The following MICAL2 variants were observed in gnomAD, a reference collection of about 807,000 sequenced individuals.
MICAL2 encodes the protein [F-actin]-monooxygenase MICAL2.
MICAL2 carries 77 observed loss-of-function variants against 127.3 expected under a neutral mutation model. That is an observed-to-expected ratio of 0.60 (90% CI 0.50 to 0.73). MICAL2 has a LOEUF of 0.73. Among genes scored for constraint, MICAL2 ranks in the 30% least tolerant of loss-of-function variants. MICAL2 has a pLI of 0.00. For missense variants in MICAL2, 1,351 were observed against 1,434.4 expected, an observed-to-expected ratio of 0.94 and a Z score of 0.94; for synonymous variants, 570 against 551.1, an observed-to-expected ratio of 1.03 and a Z score of -0.48.
intron 29 of MICAL2, among the ~76,000 whole-genome samples, chr11:12,318,965 C>T (rs531790788): frequency 6.6e-6 from 1 of 152,318 alleles, no homozygotes; most frequent in African/African-American, 2.4e-5. Flanking sequence ...TGAGCCATCC[C>T]TATCTTAAAC....
At chr11:12,167,710 C>T (rs188346867) in intron 3 of MICAL2, among the ~76,000 whole-genome samples, 214 of 152,264 alleles carry the variant, frequency 1.4e-3, no homozygotes, top group Non-Finnish European at 2.2e-3. Context: ...GATTTGTCTG[C>T]TTACCTGACA....
At chr11:12,177,677 G>A (rs1856984504) in intron 3 of MICAL2, among the ~76,000 whole-genome samples, 1 of 152,010 alleles carries the variant, frequency 6.6e-6, no homozygotes, top group Admixed American at 6.6e-5. Context: ...TTGTATATGG[G>A]GTGAGGTACA....
At chr11:12,155,539 CAT>C (rs1415201881) in intron 2 of MICAL2, among the ~76,000 whole-genome samples, 7 of 152,142 alleles carry the variant, frequency 4.6e-5, no homozygotes, top group Non-Finnish European at 8.8e-5. Flanking sequence ...CATATATACA[CAT>C]ATGCACACAC....
chr11:12,354,216 C>T (rs542920342), intron 33 of MICAL2, among the ~76,000 whole-genome samples: 7 of 152,340 alleles, frequency 4.6e-5, no homozygotes, highest in South Asian at 2.1e-4. Flanking sequence ...GTGGCTCATG[C>T]CTGTAATGCC....
intron 22 of MICAL2, among the ~76,000 whole-genome samples, chr11:12,251,635 G>A (rs985814470): frequency 6.6e-6 from 1 of 151,154 alleles, no homozygotes; most frequent in Admixed American, 6.6e-5. Context: ...TGGATGTGTG[G>A]GTGCCACGGG....
At chr11:12,276,878 G>T (rs150725250) in intron 1 of MICAL2, among the ~76,000 whole-genome samples, 1 of 152,162 alleles carries the variant, frequency 6.6e-6, no homozygotes, top group African/African-American at 2.4e-5. Context: ...TCACCTATGC[G>T]CCAGGTCGAT....
intron 4 of MICAL2, among the ~76,000 whole-genome samples, chr11:12,204,710 A>G (rs1854448749): frequency 2.0e-5 from 3 of 152,246 alleles, no homozygotes; most frequent in South Asian, 2.1e-4. Flanking sequence ...TCTCCAGGAC[A>G]TGAAAGAGTG....
downstream of MICAL2, chr11:12,293,549 C>T (rs778851470): frequency 2.6e-6 from 4 of 1,556,772 alleles, no homozygotes; most frequent in East Asian, 2.3e-5. Flanking sequence ...TATTTTTGCC[C>T]ATCCCATCTA....
At chr11:12,291,336 A>G (rs1181866803), downstream of MICAL2, among the ~76,000 whole-genome samples, 1 of 152,118 alleles carries the variant, frequency 6.6e-6, no homozygotes, top group Non-Finnish European at 1.5e-5. Context: ...GAGCGGGAGA[A>G]GGAGGGGAGA....
chr11:12,193,181 G>C (rs911078287), intron 3 of MICAL2, among the ~76,000 whole-genome samples: 1 of 152,116 alleles, frequency 6.6e-6, no homozygotes, highest in Non-Finnish European at 1.5e-5. Context: ...CTGTCTATAG[G>C]GCGAGAGACT....
chr11:12,354,510 C>T (rs1168007054), intron 33 of MICAL2, among the ~76,000 whole-genome samples: 8 of 150,664 alleles, frequency 5.3e-5, no homozygotes, highest in East Asian at 2.0e-4. Context: ...TGGTGGTGCA[C>T]GCCTGTAATC....
At chr11:12,315,976 G>T (rs573316546) in intron 29 of MICAL2, among the ~76,000 whole-genome samples, 3 of 151,876 alleles carry the variant, frequency 2.0e-5, no homozygotes, top group South Asian at 2.1e-4. Flanking sequence ...AATCAAGTGT[G>T]CACATATTTA....
chr11:12,351,683 G>C (rs1939048661), intron 33 of MICAL2, among the ~76,000 whole-genome samples: 1 of 152,190 alleles, frequency 6.6e-6, no homozygotes, highest in African/African-American at 2.4e-5. Context: ...GTAGGGTTGG[G>C]AGAGGTGGCC....
At chr11:12,186,749 A>G (rs957230320) in intron 3 of MICAL2, among the ~76,000 whole-genome samples, 1 of 152,122 alleles carries the variant, frequency 6.6e-6, no homozygotes, top group African/African-American at 2.4e-5. Context: ...TTGACTCTGA[A>G]CATATTGGGC....
chr11:12,149,012 T>C (rs1185009831), intron 2 of MICAL2, among the ~76,000 whole-genome samples: 1 of 152,062 alleles, frequency 6.6e-6, no homozygotes, highest in Non-Finnish European at 1.5e-5. Context: ...AAATGGTGGG[T>C]TGGGTTTGGT....
chr11:12,242,543 C>T (rs1860126727), intron 19 of MICAL2, 111 bp downstream of exon 19: 1 of 1,431,874 alleles, frequency 7.0e-7, no homozygotes, highest in Non-Finnish European at 9.7e-7. Context: ...CCCCCTGTCT[C>T]TCATCCTGCT....
At chr11:12,204,814 G>A (rs1219593069) in intron 4 of MICAL2, among the ~76,000 whole-genome samples, 1 of 152,240 alleles carries the variant, frequency 6.6e-6, no homozygotes, top group Non-Finnish European at 1.5e-5. Flanking sequence ...CCTGCACCCT[G>A]ATGGAGCGCA....
chr11:12,322,429 G>A (rs1864309357), intron 30 of MICAL2, among the ~76,000 whole-genome samples: 1 of 152,118 alleles, frequency 6.6e-6, no homozygotes, highest in Admixed American at 6.5e-5. Context: ...AAACAGAGAT[G>A]ACATGATATG....
At chr11:12,275,855 C>T (rs191485477), upstream of MICAL2, 15 of 397,734 alleles carry the variant, frequency 3.8e-5, no homozygotes, top group Admixed American at 4.4e-5. Context: ...AGAGGTGGCA[C>T]GGAGGACAAG....
Sources: allele counts gnomAD v4.1 joint callset (sites outside exome capture counted in the v4.1 genomes callset), GRCh38; gene constraint gnomAD v4.1.1; transcripts MANE v1.5; gene names NCBI Gene and HGNC (gene_info 2026-07-23, HGNC 2026-07-21).